The following DACH2 variants were observed in gnomAD, a reference collection of about 807,000 sequenced individuals.
The protein encoded by DACH2 is dachshund family transcription factor 2.
Under a neutral mutation model 35.8 loss-of-function variants are expected in DACH2, and 17 were observed. The ratio of observed to expected loss-of-function variants is 0.48; its 90% CI spans 0.33 to 0.71. The LOEUF (loss-of-function observed/expected upper bound fraction) is 0.71, where lower values mean the gene tolerates loss of function less well. Among genes scored for constraint, DACH2 ranks in the 30% least tolerant of loss-of-function variants. DACH2 has a pLI of 0.02. For synonymous variants in DACH2, 195 were observed against 177.3 expected (o/e 1.10, Z -0.79); for missense variants, 469 against 472.7 (o/e 0.99, Z 0.07).
intron 9 of DACH2, among the ~76,000 whole-genome samples, chrX:86,813,960 G>A (rs1257533703): frequency 8.9e-6 from 1 of 111,814 alleles, no homozygotes; most frequent in East Asian, 2.8e-4. Flanking sequence ...CACTAGTAAT[G>A]CATTGCACTA....
intron 2 of DACH2, among the ~76,000 whole-genome samples, chrX:86,407,084 T>G (rs775376331): frequency 9.0e-4 from 101 of 111,982 alleles, no homozygotes; most frequent in African/African-American, 3.1e-3. Flanking sequence ...TGATTTGGTC[T>G]GAAAAGTTTT....
At position 86,486,233 on chromosome X, in the gene DACH2, A is replaced by G. The variant is rs975042094; in HGVS notation, c.528-28046A>G. Among the ~76,000 whole-genome samples the G allele has an allele frequency of 2.0e-4, 22 of 111,200 alleles. No individual in the cohort carries two copies. The Admixed American group carries it at 2.0e-3, about 10-fold the overall frequency. ...TACTCTCCCTGTGCAGGTTCTATTC[A>G]ATCTTGAGACCTAAGGATCCCTTTT... On this transcript the variant is annotated intron_variant, in intron 2 of 11. Coordinates refer to ENST00000373125, the MANE Select transcript of DACH2 (RefSeq NM_053281.3).
chrX:86,574,790 T>C (rs1375348204), intron 3 of DACH2, among the ~76,000 whole-genome samples: 2 of 111,553 alleles, frequency 1.8e-5, no homozygotes, highest in African/African-American at 6.5e-5. Context: ...GGACAGAATA[T>C]TTTAGGTTCA....
intron 2 of DACH2, among the ~76,000 whole-genome samples, chrX:86,491,237 T>A (rs2038088814): frequency 8.9e-6 from 1 of 111,859 alleles, no homozygotes; most frequent in African/African-American, 3.2e-5. Flanking sequence ...ACGCCAGATA[T>A]TTCAGTCTCA....
At chrX:86,527,330 C>T (rs905308450) in intron 3 of DACH2, among the ~76,000 whole-genome samples, 2 of 111,693 alleles carry the variant, frequency 1.8e-5, no homozygotes, top group Admixed American at 1.9e-4. Context: ...TTTTCTCAAC[C>T]TTTCTATTAC....
chrX:86,730,122 G>A (rs866141045), intron 6 of DACH2, among the ~76,000 whole-genome samples: 1 of 110,799 alleles, frequency 9.0e-6, no homozygotes, highest in Non-Finnish European at 1.9e-5. Flanking sequence ...TGATGCCTGT[G>A]CTAATGCTTG....
intron 2 of DACH2, among the ~76,000 whole-genome samples, chrX:86,508,005 G>A (rs1003973329): frequency 9.0e-6 from 1 of 111,367 alleles, no homozygotes; most frequent in Admixed American, 9.6e-5. Context: ...TGTAGTTTTG[G>A]CATCGGAGAG....
At position 86,741,976 on chromosome X, in the gene DACH2, T is replaced by C. The variant is rs186884783; in HGVS notation, c.1240+2094T>C. 1.7e-3 allele frequency among the ~76,000 whole-genome samples: 192 copies of C among 110,797 alleles called. 1 individual carries two copies. The highest frequency in any genetic ancestry group is 6.0e-3 in the African/African-American group (185 of 30,644). On this transcript the variant is annotated intron_variant, in intron 7 of 11. Coordinates refer to ENST00000373125, the MANE Select transcript of DACH2 (RefSeq NM_053281.3). ...CTATCTACTAAAGGTGCCCATAATA[T>C]ATAGAAAAAAATATATTTATGATAT...
At chrX:86,205,950 T>C (rs745900818) in intron 1 of DACH2, among the ~76,000 whole-genome samples, 10 of 111,879 alleles carry the variant, frequency 8.9e-5, no homozygotes, top group Non-Finnish European at 1.1e-4. Flanking sequence ...ATAGCTTTCA[T>C]GTTTTACAAA....
intron 1 of DACH2, among the ~76,000 whole-genome samples, chrX:86,341,490 G>A (rs918777564): frequency 5.4e-5 from 6 of 112,097 alleles, no homozygotes; most frequent in Non-Finnish European, 1.1e-4. Context: ...CATTGACAAA[G>A]CATCTGGTCA....
chrX:86,210,959 G>T (rs2032431713), intron 1 of DACH2, among the ~76,000 whole-genome samples: 2 of 111,700 alleles, frequency 1.8e-5, no homozygotes, highest in African/African-American at 6.5e-5. Context: ...TGTAATGACT[G>T]CAGATGTGGA....
intron 3 of DACH2, among the ~76,000 whole-genome samples, chrX:86,588,284 T>G (rs905855467): frequency 5.4e-5 from 6 of 111,131 alleles, no homozygotes; most frequent in Non-Finnish European, 7.6e-5. Flanking sequence ...ATAGTATAGA[T>G]TGAATCTGAT....
At chrX:86,751,570 A>G (rs920941562) in intron 7 of DACH2, among the ~76,000 whole-genome samples, 14 of 111,468 alleles carry the variant, frequency 1.3e-4, no homozygotes, top group Non-Finnish European at 2.5e-4. Flanking sequence ...AATTAGATAC[A>G]ATGAAGGGCT....
At chrX:86,235,202 C>G (rs1187772457) in intron 1 of DACH2, among the ~76,000 whole-genome samples, 8 of 111,357 alleles carry the variant, frequency 7.2e-5, no homozygotes, top group Non-Finnish European at 1.9e-5. Flanking sequence ...GGAGAAAGAC[C>G]ATTTTCATCA....
Position 86,508,564 on chromosome X carries a change from T to TAA in DACH2, c.528-5706_528-5705dup, listed in dbSNP as rs200231659. On this transcript the variant is annotated intron_variant, in intron 2 of 11. Coordinates refer to ENST00000373125, the MANE Select transcript of DACH2 (RefSeq NM_053281.3). ...GACAGAGTGAGACTCTGTCTCAAAA[T>TAA]AAAAAAAAAAGATTTACTAAGGTGC... 4.3e-3 allele frequency among the ~76,000 whole-genome samples: 446 copies of TAA among 103,739 alleles called. 1 individual carries two copies. The highest frequency in any genetic ancestry group is 6.1e-3 in the Non-Finnish European group (308 of 50,393). The allele number at this position is 103,739 out of a possible 115,157, so 90.1% of individuals were successfully genotyped here.
intron 5 of DACH2, among the ~76,000 whole-genome samples, chrX:86,705,755 G>T (rs2041208742): frequency 9.0e-6 from 1 of 111,017 alleles, no homozygotes; most frequent in South Asian, 3.8e-4. Flanking sequence ...CTATCCAAAG[G>T]AAAAGAAGTC....
At chrX:86,493,233 A>T (rs906601456) in intron 2 of DACH2, among the ~76,000 whole-genome samples, 1 of 111,616 alleles carries the variant, frequency 9.0e-6, no homozygotes, top group Admixed American at 9.6e-5. Context: ...AATTTGACAA[A>T]TAAGAAAAAA....
At position 86,306,791 on chromosome X, in the gene DACH2, T is replaced by C. The variant is rs375667068; in HGVS notation, c.489-70033T>C. Among the ~76,000 whole-genome samples, 14 of 111,355 alleles carry C rather than the reference T, an allele frequency of 1.3e-4. No individual in the cohort carries two copies. In the East Asian group the frequency reaches 4.0e-3, roughly 32 times the overall value. ...AATACTCAATAAACTCATATATATG[T>C]CCTATTAGTTCTGTCCCTCCCAGAG... On this transcript the variant is annotated intron_variant, in intron 1 of 11. Coordinates refer to ENST00000373125, the MANE Select transcript of DACH2 (RefSeq NM_053281.3).
At chrX:86,510,004 A>G (rs992877252) in intron 2 of DACH2, among the ~76,000 whole-genome samples, 1 of 111,949 alleles carries the variant, frequency 8.9e-6, no homozygotes, top group Non-Finnish European at 1.9e-5. Flanking sequence ...AGCAATTTTC[A>G]CAGACTGTCC....
Sources: gnomAD v4.1 joint callset for allele counts (sites outside exome capture counted in the v4.1 genomes callset) on GRCh38, gnomAD v4.1.1 for gene constraint, MANE v1.5 for transcripts, NCBI Gene and HGNC (gene_info 2026-07-23, HGNC 2026-07-21) for gene names.